The following PCDHGB1 variants were observed in gnomAD, a reference collection of about 807,000 sequenced individuals.
PCDHGB1 encodes protocadherin gamma-B1.
PCDHGB1 carries 34 observed loss-of-function variants against 56.6 expected under a neutral mutation model. The ratio of observed to expected loss-of-function variants is 0.60; its 90% confidence interval spans 0.46 to 0.80. The LOEUF is 0.80. PCDHGB1 is among the 30% of genes least tolerant of loss of function. PCDHGB1 has a pLI of 0.00. For synonymous variants in PCDHGB1, 561 were observed against 505.9 expected (o/e 1.11, Z -1.46); for missense variants, 1,278 against 1,204.6 (o/e 1.06, Z -0.90).
Position 141,490,479 on chromosome 5 carries a change from C to A in PCDHGB1, c.2410-4328C>A. 6.2e-7 allele frequency: 1 copy of A among 1,614,216 alleles called. No homozygotes were observed. Among genetic ancestry groups the A allele is most frequent in the South Asian group, 1.1e-5 (1 of 91,086 alleles). On this transcript the variant is annotated intron_variant, in intron 1 of 3. Transcript: ENST00000523390. The surrounding 1 kb of genome is among the most constrained non-coding windows in gnomAD (Gnocchi z 5.4). ...CGCTGCTAACCAGCCAGCCTTTGGA[C>A]CGGGAGGCCACATCCCACTATATCA...
intron 1 of PCDHGB1, chr5:141,430,886 T>C: frequency 6.2e-7 from 1 of 1,605,190 alleles, no homozygotes; most frequent in Non-Finnish European, 8.5e-7. Context: ...GGAGAAAGGC[T>C]CTAGGGTGGG....
rs575856599 is a variant in PCDHGB1 at position 141,399,712 on chromosome 5, C to T, written c.2409+47043C>T. ...GCTGCGCACCTTCGAACTCACACTA[C>T]AGGCCCGCGACCAGGGCTCGCCTGC... On this transcript the variant is annotated intron_variant, in intron 1 of 3. Transcript: ENST00000523390. The T allele has an allele frequency of 7.4e-6, 12 of 1,613,378 alleles. No individual in the cohort carries two copies. In the East Asian group the frequency reaches 2.2e-4, roughly 30 times the overall value.
At chr5:141,471,302 C>T (rs111827070) in intron 1 of PCDHGB1, 9,302 of 152,168 alleles carry the variant, frequency 0.061, 339 homozygotes, top group South Asian at 0.12. Flanking sequence ...CCACCCAACT[C>T]GGCCTCCCAA....
chr5:141,372,721 C>A (rs1769002230), intron 1 of PCDHGB1: 1 of 1,613,832 alleles, frequency 6.2e-7, no homozygotes, highest in South Asian at 1.1e-5. Flanking sequence ...GAAAATGCTG[C>A]ACCACAAGAT....
Position 141,477,029 on chromosome 5 carries a change from A to G in PCDHGB1, c.2410-17778A>G. 6.2e-7 allele frequency: 1 copy of G among 1,614,238 alleles called. No homozygotes were observed. The highest frequency in any genetic ancestry group is 8.5e-7 in the Non-Finnish European group (1 of 1,180,040). ...CTTAGACCTTGTAACCGGGATGCTG[A>G]CAATCAAGGGTCGGCTGGACTTCGA... On this transcript the variant is annotated intron_variant, in intron 1 of 3. Coordinates refer to ENST00000523390, the MANE Select transcript of PCDHGB1 (RefSeq NM_018922.3). The surrounding 1 kb of genome is among the most constrained non-coding windows in gnomAD (Gnocchi z 4.9).
rs1227250624 is a variant in PCDHGB1, at chr5:141,409,019, G to A, written c.2409+56350G>A. 4 of 1,613,996 alleles carry A rather than the reference G, an allele frequency of 2.5e-6. 1 individual carries two copies. Among genetic ancestry groups the A allele is most frequent in the Middle Eastern group, 3.3e-4 (2 of 6,062 alleles). On this transcript the variant is annotated intron_variant, in intron 1 of 3. Coordinates refer to ENST00000523390, the MANE Select transcript of PCDHGB1 (RefSeq NM_018922.3). ...GACAGCCACTGACCAGGATGAGGGG[G>A]TCAATGCTGAGATAAACTACTACTT...
rs1052219950 is a variant in PCDHGB1, at chr5:141,476,865, G to A, written c.2410-17942G>A. The A allele has an allele frequency of 1.2e-6, 2 of 1,613,752 alleles. No individual in the cohort carries two copies. Among genetic ancestry groups the A allele is most frequent in the African/African-American group, 1.3e-5 (1 of 74,958 alleles). On this transcript the variant is annotated intron_variant, in intron 1 of 3. Coordinates refer to ENST00000523390, the MANE Select transcript of PCDHGB1 (RefSeq NM_018922.3). This position sits in a 1 kb window ranked among gnomAD's most constrained non-coding sequence, Gnocchi z 7.6. ...CCTGTCTTCAACCAGTCCTTGTACC[G>A]GGCGCGCGTCCTGGAGGATGCACCC...
intron 1 of PCDHGB1, chr5:141,399,984 A>C (rs1310810422): frequency 1.2e-6 from 2 of 1,612,296 alleles, no homozygotes; most frequent in Non-Finnish European, 8.5e-7. Context: ...GGCTGCGCAC[A>C]GGAGAGGTGC....
chr5:141,395,097 G>A lies in PCDHGB1; in HGVS notation c.2409+42428G>A, dbSNP rs376460647. The A allele has an allele frequency of 1.3e-5, 21 of 1,614,040 alleles. No homozygotes were observed. Among genetic ancestry groups the A allele is most frequent in the Non-Finnish European group, 1.7e-5 (20 of 1,180,038 alleles). On this transcript the variant is annotated intron_variant, in intron 1 of 3. Coordinates refer to ENST00000523390, the MANE Select transcript of PCDHGB1 (RefSeq NM_018922.3). ...TTCCCAGGAAGTCTCCCTCACCGCC[G>A]ACTCGCGGAAGAGTCACCTGATCTT...
intron 1 of PCDHGB1, among the ~76,000 whole-genome samples, chr5:141,454,195 T>A (rs1295815862): frequency 1.3e-5 from 2 of 152,136 alleles, no homozygotes; most frequent in Admixed American, 1.3e-4. Flanking sequence ...TTAGTGAAGG[T>A]GAATTTATTG....
At chr5:141,409,571 T>A in intron 1 of PCDHGB1, 2 of 1,613,932 alleles carry the variant, frequency 1.2e-6, no homozygotes, top group Non-Finnish European at 1.7e-6. Context: ...CCAGACGTCC[T>A]ACGTGGTCCA....
intron 1 of PCDHGB1, chr5:141,366,290 C>T: frequency 6.2e-7 from 1 of 1,613,732 alleles, no homozygotes; most frequent in Admixed American, 1.7e-5. Context: ...CCAGCCCCCT[C>T]TGTCAGCCAC....
At chr5:141,393,447 C>T (rs753693736) in intron 1 of PCDHGB1, 3 of 1,614,052 alleles carry the variant, frequency 1.9e-6, no homozygotes, top group East Asian at 4.5e-5. Context: ...CCACCTGGTC[C>T]TCACGGCCTC....
chr5:141,419,604 C>T (rs1279434352), intron 1 of PCDHGB1: 1 of 1,611,850 alleles, frequency 6.2e-7, no homozygotes, highest in East Asian at 2.2e-5. Flanking sequence ...CCGCGGGCCG[C>T]GCAGCCAGGC....
intron 1 of PCDHGB1, chr5:141,417,732 C>G (rs2096153715): frequency 4.3e-6 from 6 of 1,390,462 alleles, no homozygotes; most frequent in Non-Finnish European, 3.8e-6. Flanking sequence ...AGACCTTGCC[C>G]AGCACACCAG....
intron 1 of PCDHGB1, chr5:141,389,172 C>T: frequency 3.1e-6 from 5 of 1,614,036 alleles, no homozygotes; most frequent in Non-Finnish European, 4.2e-6. Context: ...CAAGCCTCCC[C>T]TCTCCTCCAG....
chr5:141,415,435 C>G, intron 1 of PCDHGB1: 1 of 1,614,202 alleles, frequency 6.2e-7, no homozygotes. Flanking sequence ...TCGGGCTTTC[C>G]TGCAGACCTA....
chr5:141,352,002 GCT>G lies in PCDHGB1; in HGVS notation c.1743_1744del (p.Tyr582ProfsTer39). 6.2e-7 allele frequency: 1 copy of G among 1,610,546 alleles called. No homozygotes were observed. The highest frequency in any genetic ancestry group is 8.5e-7 in the Non-Finnish European group (1 of 1,179,368). Reference sequence around the variant, plus strand: ...ATGGTGCCACGCGCCGCAGAGCCCGGCTACCTGGTGACCAAGGTGGTGGCGGT... The same window carrying G: ...ATGGTGCCACGCGCCGCAGAGCCCGGACCTGGTGACCAAGGTGGTGGCGGT... On this transcript the variant is annotated frameshift_variant, in exon 1 of 4. Coordinates refer to ENST00000523390, the MANE Select transcript of PCDHGB1 (RefSeq NM_018922.3). LOFTEE classifies it high-confidence loss of function.
chr5:141,365,520 C>G (rs749868232), intron 1 of PCDHGB1: 1 of 1,613,828 alleles, frequency 6.2e-7, no homozygotes, highest in East Asian at 2.2e-5. Context: ...TTGGAGAAGT[C>G]AGTTGATAAT....
Sources: allele counts gnomAD v4.1 joint callset (sites outside exome capture counted in the v4.1 genomes callset), GRCh38; gene constraint gnomAD v4.1.1; non-coding constraint Gnocchi (gnomAD v3.1); transcripts MANE v1.5; gene names NCBI Gene and HGNC (gene_info 2026-07-23, HGNC 2026-07-21).